Variants in TDRD15 observed in about 807,000 individuals in gnomAD.
The protein encoded by TDRD15 is tudor domain containing 15.
For missense variants in TDRD15, 1,416 were observed against 904.7 expected (o/e 1.57, Z -7.25); for synonymous variants, 503 against 314.5 (o/e 1.60, Z -6.34).
In TDRD15 at chr2:21,139,315, T is replaced by A. The variant is rs1463407748; in HGVS notation, c.1848T>A (p.Phe616Leu). The change falls in exon 4 of 4, where the codon TTT becomes TTA. Residue 616 changes from phenylalanine (F) to leucine (L), a missense_variant. Coordinates refer to ENST00000405799, the MANE Select transcript of TDRD15 (RefSeq NM_001306137.2). ...GGACTAAGGCTGCAATTGATTATTT[T>A]AAAAAATTAGTTTTGAACAAAGCAA... ...DLWTKAAIDY[F>L]KKLVLNKAIL... 1 of 706,562 alleles carries A rather than the reference T, an allele frequency of 1.4e-6. No homozygotes were observed. Among genetic ancestry groups the A allele is most frequent in the Non-Finnish European group, 2.6e-6 (1 of 381,840 alleles). The allele number at this position is 706,562 out of a possible 1,614,324, so 43.8% of individuals were successfully genotyped here.
Position 21,141,257 on chromosome 2 carries a change from A to G in TDRD15, c.3790A>G (p.Ile1264Val), listed in dbSNP as rs781127402. Reference protein sequence around the residue: ...KSVKVVSQSFIRALNQTTSQN... With the variant: ...KSVKVVSQSFVRALNQTTSQN... ...AGTAAAGGTTGTATCACAGTCTTTT[A>G]TCAGAGCATTAAATCAAACAACCTC... is the stretch of plus-strand genomic sequence containing the variant. Residue 1264 changes from isoleucine to valine, a missense_variant, in exon 4 of 4, where the codon ATC (isoleucine) becomes GTC (valine). By Grantham distance (29) the Ile-to-Val change is conservative. Transcript: ENST00000405799. 7.0e-6 allele frequency: 5 copies of G among 712,574 alleles called. No homozygotes were observed. In the South Asian group the frequency reaches 7.5e-5, roughly 11 times the overall value. 44.1% of individuals were successfully genotyped at this position (712,574 alleles called of 1,614,324 possible). A position where few individuals can be genotyped will look rare whatever the true frequency, so the allele number is the denominator to read the frequency against.
Position 21,140,015 on chromosome 2 carries a change from A to G in TDRD15, c.2548A>G (p.Asn850Asp). ...RVLIEDLCAI[N>D]PRFLLLESQA... is the part of the protein sequence containing the mutation. ...TTTAATTGAAGATCTTTGTGCAATTAACCCACGTTTTCTCTTGTTAGAAAG... is the reference window on the plus strand; with the variant it reads ...TTTAATTGAAGATCTTTGTGCAATTGACCCACGTTTTCTCTTGTTAGAAAG... Residue 850 changes from asparagine (N) to aspartate (D), a missense_variant, in exon 4 of 4, where the codon AAC becomes GAC. Physicochemically the swap from Asn to Asp is conservative, Grantham distance 23. Transcript: ENST00000405799. 1 of 715,850 alleles carries G rather than the reference A, an allele frequency of 1.4e-6. No homozygotes were observed. The highest frequency in any genetic ancestry group is 2.6e-6 in the Non-Finnish European group (1 of 383,976). The allele number at this position is 715,850 out of a possible 1,614,324, so 44.3% of individuals were successfully genotyped here.
rs1172391872 is a variant in TDRD15, at chr2:21,141,227, A to G, written c.3760A>G (p.Lys1254Glu). 1 of 713,854 alleles carries G rather than the reference A, an allele frequency of 1.4e-6. No homozygotes were observed. The highest frequency in any genetic ancestry group is 2.6e-6 in the Non-Finnish European group (1 of 383,538). 44.2% of individuals were successfully genotyped at this position (713,854 alleles called of 1,614,324 possible). A position where few individuals can be genotyped will look rare whatever the true frequency, so the allele number is the denominator to read the frequency against. Residue 1254 changes from lysine to glutamate, a missense_variant, in exon 4 of 4, where the codon AAA becomes GAA. By Grantham distance (56) the Lys-to-Glu change is moderately conservative. Transcript: ENST00000405799. The part of the protein sequence containing the change: ...HILENRRVGQ[K>E]SVKVVSQSFI... ...TCTTGAGAACAGGCGTGTGGGCCAA[A>G]AATCAGTAAAGGTTGTATCACAGTC... is the stretch of plus-strand genomic sequence containing the variant.
Position 21,139,828 on chromosome 2 carries a change from G to A in TDRD15, c.2361G>A (p.Glu787=), listed in dbSNP as rs750738948. ...CKSEDLKLLM[E]QIQNYYSIHS... is the part of the protein sequence containing the mutation. ...CAGAAGACCTAAAATTACTAATGGAGCAAATTCAGAATTACTATAGTATTC... is the reference window on the plus strand; with the variant it reads ...CAGAAGACCTAAAATTACTAATGGAACAAATTCAGAATTACTATAGTATTC... The change falls in exon 4 of 4, where the codon GAG becomes GAA. Residue 787 remains glutamate (E), a synonymous_variant. Transcript: ENST00000405799. The A allele has an allele frequency of 2.8e-6, 2 of 715,494 alleles. No homozygotes were observed. 44.3% of individuals were successfully genotyped at this position (715,494 alleles called of 1,614,324 possible). A position where few individuals can be genotyped will look rare whatever the true frequency, so the allele number is the denominator to read the frequency against.
intron 3 of TDRD15, among the ~76,000 whole-genome samples, chr2:21,135,722 C>T (rs552532299): frequency 6.6e-6 from 1 of 151,950 alleles, no homozygotes; most frequent in African/African-American, 2.4e-5. Context: ...CCCCCACACC[C>T]GGGTTGGGGT....
At chr2:21,133,691 T>C (rs1397261201) in intron 2 of TDRD15, among the ~76,000 whole-genome samples, 1 of 152,106 alleles carries the variant, frequency 6.6e-6, no homozygotes, top group African/African-American at 2.4e-5. Flanking sequence ...CAAGGAACTA[T>C]TATTTTACCT....
In TDRD15 at chr2:21,137,815, G is replaced by A; in HGVS notation, c.348G>A (p.Glu116=). ...QIASACGNLF[E]LPPRVVFGIF... is the part of the protein sequence containing the mutation. Reference sequence around the variant, plus strand: ...CTTCAGCCTGTGGCAATTTATTTGAGCTACCGCCACGGGTAGTATTTGGTA... The same window carrying A: ...CTTCAGCCTGTGGCAATTTATTTGAACTACCGCCACGGGTAGTATTTGGTA... Residue 116 remains glutamate, a synonymous_variant, in exon 4 of 4, where the codon GAG becomes GAA. Coordinates refer to ENST00000405799, the MANE Select transcript of TDRD15 (RefSeq NM_001306137.2). 1 of 716,484 alleles carries A rather than the reference G, an allele frequency of 1.4e-6. No homozygotes were observed. Among genetic ancestry groups the A allele is most frequent in the Non-Finnish European group, 2.6e-6 (1 of 384,468 alleles). 44.4% of individuals were successfully genotyped at this position (716,484 alleles called of 1,614,324 possible). A position where few individuals can be genotyped will look rare whatever the true frequency, so the allele number is the denominator to read the frequency against.
Position 21,141,631 on chromosome 2 carries a change from A to G in TDRD15, c.4164A>G (p.Thr1388=), listed in dbSNP as rs1355883460. 1 of 714,170 alleles carries G rather than the reference A, an allele frequency of 1.4e-6. No individual in the cohort carries two copies. The highest frequency in any genetic ancestry group is 1.8e-5 in the African/African-American group (1 of 57,090). 44.2% of individuals were successfully genotyped at this position (714,170 alleles called of 1,614,324 possible). A position where few individuals can be genotyped will look rare whatever the true frequency, so the allele number is the denominator to read the frequency against. ...ATGGTAACTCTGCAATAGTAAACAC[A>G]TCTAAAATTTACGAACTTCAGAGGG... The part of the protein sequence containing the change: ...IDYGNSAIVN[T]SKIYELQREF... The change falls in exon 4 of 4, where the codon ACA becomes ACG. Residue 1388 remains threonine, a synonymous_variant. Transcript: ENST00000405799.
intron 2 of TDRD15, among the ~76,000 whole-genome samples, chr2:21,128,415 C>T (rs1223464711): frequency 4.0e-5 from 6 of 151,692 alleles, no homozygotes; most frequent in Non-Finnish European, 5.9e-5. Context: ...CTCTGCCTCC[C>T]GGGTTCACGC....
intron 2 of TDRD15, among the ~76,000 whole-genome samples, chr2:21,134,406 G>A (rs1310671889): frequency 1.3e-5 from 2 of 151,912 alleles, no homozygotes; most frequent in Non-Finnish European, 2.9e-5. Context: ...TATTTAAGTT[G>A]TGGCTATCCC....
At chr2:21,126,012 A>T (rs887787810) in intron 1 of TDRD15, among the ~76,000 whole-genome samples, 1 of 149,392 alleles carries the variant, frequency 6.7e-6, no homozygotes, top group Non-Finnish European at 1.5e-5. Flanking sequence ...GTGTGTGTGT[A>T]TGTGTGTGTG....
Position 21,138,590 on chromosome 2 carries a change from A to G in TDRD15, c.1123A>G (p.Lys375Glu), listed in dbSNP as rs1326959252. Reference sequence around the variant, plus strand: ...AAGAATATTTCAACTGAGTATATTTAAACAGGCCTTATTAGGACAAGTGGT... The same window carrying G: ...AAGAATATTTCAACTGAGTATATTTGAACAGGCCTTATTAGGACAAGTGGT... ...DARIFQLSIF[K>E]QALLGQVVYA... Residue 375 changes from lysine (K) to glutamate (E), a missense_variant, in exon 4 of 4, where the codon AAA (lysine) becomes GAA (glutamate). By Grantham distance (56) the Lys-to-Glu change is moderately conservative (BLOSUM62 1). Coordinates refer to ENST00000405799, the MANE Select transcript of TDRD15 (RefSeq NM_001306137.2). 1 of 714,010 alleles carries G rather than the reference A, an allele frequency of 1.4e-6. No individual in the cohort carries two copies. Among genetic ancestry groups the G allele is most frequent in the African/African-American group, 1.8e-5 (1 of 57,106 alleles). The allele number at this position is 714,010 out of a possible 1,614,324, so 44.2% of individuals were successfully genotyped here.
Position 21,139,823 on chromosome 2 carries a change from A to G in TDRD15, c.2356A>G (p.Met786Val), listed in dbSNP as rs955707547. The change falls in exon 4 of 4, where the codon ATG (methionine) becomes GTG (valine). Residue 786 changes from methionine (M) to valine (V), a missense_variant. Transcript: ENST00000405799. ...QCKSEDLKLL[M>V]EQIQNYYSIH... ...TAAGTCAGAAGACCTAAAATTACTAATGGAGCAAATTCAGAATTACTATAG... is the reference window on the plus strand; with the variant it reads ...TAAGTCAGAAGACCTAAAATTACTAGTGGAGCAAATTCAGAATTACTATAG... 5.6e-6 allele frequency: 4 copies of G among 715,360 alleles called. No individual in the cohort carries two copies. The highest frequency in any genetic ancestry group is 1.8e-5 in the African/African-American group (1 of 57,134). 44.3% of individuals were successfully genotyped at this position (715,360 alleles called of 1,614,324 possible).
chr2:21,132,906 A>C (rs938322794), intron 2 of TDRD15, among the ~76,000 whole-genome samples: 4 of 152,122 alleles, frequency 2.6e-5, no homozygotes, highest in Non-Finnish European at 5.9e-5. Flanking sequence ...TTGTGGAAGA[A>C]TGTGCTCTGC....
At position 21,139,681 on chromosome 2, in the gene TDRD15, T is replaced by C. The variant is rs1665881771; in HGVS notation, c.2214T>C (p.Ser738=). 4.2e-6 allele frequency: 3 copies of C among 713,438 alleles called. No individual in the cohort carries two copies. The highest frequency in any genetic ancestry group is 5.4e-5 in the East Asian group (2 of 37,258). 44.2% of individuals were successfully genotyped at this position (713,438 alleles called of 1,614,324 possible). A position where few individuals can be genotyped will look rare whatever the true frequency, so the allele number is the denominator to read the frequency against. The change falls in exon 4 of 4, where the codon TCT becomes TCC. Residue 738 remains serine, a synonymous_variant. Transcript: ENST00000405799. The stretch of plus-strand genomic sequence containing the variant: ...AATTTAAAAATCCTTTCACCTTGTC[T>C]GTGGGACCTGAGTCATCCTGGCCTT... ...ISEFKNPFTL[S]VGPESSWPYK...
chr2:21,140,901 G>C lies in TDRD15; in HGVS notation c.3434G>C (p.Arg1145Thr). Residue 1145 changes from arginine to threonine, a missense_variant, in exon 4 of 4, where the codon AGA (arginine) becomes ACA (threonine). Coordinates refer to ENST00000405799, the MANE Select transcript of TDRD15 (RefSeq NM_001306137.2). ...IKVLLHAYGK[R>T]HCDQACCMEK... ...GTGTTGCTTCATGCTTATGGAAAAAGACATTGTGACCAAGCATGCTGCATG... is the reference window on the plus strand; with the variant it reads ...GTGTTGCTTCATGCTTATGGAAAAACACATTGTGACCAAGCATGCTGCATG... The C allele has an allele frequency of 1.4e-6, 1 of 708,212 alleles. No homozygotes were observed. Among genetic ancestry groups the C allele is most frequent in the East Asian group, 2.7e-5 (1 of 37,224 alleles). 43.9% of individuals were successfully genotyped at this position (708,212 alleles called of 1,614,324 possible).
intron 3 of TDRD15, among the ~76,000 whole-genome samples, chr2:21,135,204 A>C (rs1665786983): frequency 6.8e-6 from 1 of 147,814 alleles, no homozygotes; most frequent in Admixed American, 6.8e-5. Flanking sequence ...TTATATATAT[A>C]AATATCTATA....
At chr2:21,129,494 A>C (rs1181848917) in intron 2 of TDRD15, among the ~76,000 whole-genome samples, 7 of 152,112 alleles carry the variant, frequency 4.6e-5, no homozygotes, top group Non-Finnish European at 2.9e-5. Flanking sequence ...TTGGCCTTTT[A>C]TGTATCTTTT....
At chr2:21,128,326 A>G (rs1231250687) in intron 2 of TDRD15, among the ~76,000 whole-genome samples, 2 of 140,834 alleles carry the variant, frequency 1.4e-5, no homozygotes, top group Non-Finnish European at 3.1e-5. Context: ...TATTCATATA[A>G]TTTTTTTTTT....
Sources: allele counts gnomAD v4.1 joint callset (sites outside exome capture counted in the v4.1 genomes callset), GRCh38; gene constraint gnomAD v4.1.1; transcripts MANE v1.5; gene names NCBI Gene and HGNC (gene_info 2026-07-23, HGNC 2026-07-21).